Variants in PTPRZ1 observed in about 807,000 individuals in gnomAD.
The protein encoded by PTPRZ1 is protein tyrosine phosphatase receptor type Z1.
A neutral mutation model predicts 214.1 loss-of-function variants in PTPRZ1; 82 were observed. That is an observed-to-expected ratio of 0.38 (90% CI 0.32 to 0.46). PTPRZ1 has a LOEUF of 0.46. PTPRZ1 is among the 20% of genes least tolerant of loss of function. PTPRZ1 has a pLI of 1.00. For missense variants in PTPRZ1, 2,603 were observed against 2,748.7 expected, an observed-to-expected ratio of 0.95 and a Z score of 1.19; for synonymous variants, 945 against 987.9, an observed-to-expected ratio of 0.96 and a Z score of 0.81.
At chr7:121,943,340 G>A (rs1264406488) in intron 2 of PTPRZ1, among the ~76,000 whole-genome samples, 1 of 151,994 alleles carries the variant, frequency 6.6e-6, no homozygotes, top group Non-Finnish European at 1.5e-5. Flanking sequence ...ATGTATTTAT[G>A]TATTTATTTA....
chr7:121,996,294 C>T, intron 8 of PTPRZ1, 88 bp from the exon 9 acceptor site: 1 of 960,910 alleles, frequency 1.0e-6, no homozygotes, highest in Non-Finnish European at 1.5e-6. Context: ...TGAAATAAAA[C>T]ACAATAAAAT....
chr7:121,878,363 G>A (rs568197040), intron 1 of PTPRZ1, among the ~76,000 whole-genome samples: 3 of 152,212 alleles, frequency 2.0e-5, no homozygotes, highest in Non-Finnish European at 2.9e-5. Context: ...AACAAAAAAC[G>A]CTGGTAAAAT....
intron 6 of PTPRZ1, among the ~76,000 whole-genome samples, chr7:121,979,241 G>T (rs1797531178): frequency 6.6e-6 from 1 of 151,748 alleles, no homozygotes; most frequent in Non-Finnish European, 1.5e-5. Context: ...CCTACTCTAT[G>T]TTAGGCATTA....
chr7:121,900,314 T>C (rs1794920334), intron 1 of PTPRZ1, among the ~76,000 whole-genome samples: 1 of 152,172 alleles, frequency 6.6e-6, no homozygotes, highest in African/African-American at 2.4e-5. Context: ...TACAACAGAA[T>C]ACAAACTTTG....
rs545745881 is a variant in PTPRZ1 at position 122,012,093 on chromosome 7, T to G, written c.3047T>G (p.Leu1016Arg). 6.2e-7 allele frequency: 1 copy of G among 1,614,016 alleles called. No individual in the cohort carries two copies. The highest frequency in any genetic ancestry group is 1.7e-5 in the Admixed American group (1 of 60,022). ...CCTGACACAGATGGGCTGACAGCCCTTAACATTTCTTCACCTGTTTCTGTA... is the reference window on the plus strand; with the variant it reads ...CCTGACACAGATGGGCTGACAGCCCGTAACATTTCTTCACCTGTTTCTGTA... ...LLPDTDGLTA[L>R]NISSPVSVAE... Residue 1016 changes from leucine to arginine, a missense_variant, in exon 12 of 30, where the codon CTT becomes CGT. Around this residue, in one of 6 missense-constraint regions of PTPRZ1, gnomAD observed 1,913 missense variants for 1,914.3 expected, o/e 1.00. Coordinates refer to ENST00000393386, the MANE Select transcript of PTPRZ1 (RefSeq NM_002851.3).
intron 11 of PTPRZ1, among the ~76,000 whole-genome samples, chr7:122,009,457 T>TAAAAAAAAAAAAAAAA (rs56259188): frequency 7.0e-6 from 1 of 142,018 alleles, no homozygotes. Context: ...CCACATGAAC[T>TAAAAAAAAAAAAAAAA]AAAAAAAAAA....
intron 10 of PTPRZ1, among the ~76,000 whole-genome samples, chr7:121,999,605 G>A (rs565357247): frequency 3.9e-4 from 60 of 151,934 alleles, no homozygotes; most frequent in African/African-American, 6.0e-4. Context: ...CTCTAATTTC[G>A]TACCTAAAAC....
At chr7:121,956,345 T>C (rs968504067) in intron 2 of PTPRZ1, among the ~76,000 whole-genome samples, 10 of 152,170 alleles carry the variant, frequency 6.6e-5, no homozygotes, top group African/African-American at 2.4e-4. Context: ...AGACAATTAT[T>C]AACAGTATAC....
chr7:121,976,927 T>C, intron 6 of PTPRZ1, 76 bp downstream of exon 6: 4 of 1,256,518 alleles, frequency 3.2e-6, no homozygotes, highest in South Asian at 3.0e-5. Context: ...ACGACAAAAG[T>C]CACTTGTTCC....
intron 6 of PTPRZ1, among the ~76,000 whole-genome samples, chr7:121,979,521 A>T (rs930883077): frequency 7.2e-5 from 11 of 152,112 alleles, no homozygotes; most frequent in Admixed American, 6.5e-4. Context: ...CATGCTAAAT[A>T]TCATTGTCCT....
At position 121,873,198 on chromosome 7, in the gene PTPRZ1, C is replaced by A. The variant is rs1386299005; in HGVS notation, c.-302C>A. ...CCGCAGCCGGCGAAAGAGGCAAAGT[C>A]CCGCACGCCGGAGGACATGCGCCTC... On this transcript the variant is annotated 5_prime_UTR_variant, in exon 1 of 30. Transcript: ENST00000393386. 1.2e-5 allele frequency: 5 copies of A among 421,956 alleles called. No homozygotes were observed. In the East Asian group the frequency reaches 1.7e-4, roughly 15 times the overall value. 26.1% of individuals were successfully genotyped at this position (421,956 alleles called of 1,614,324 possible).
At chr7:122,019,759 C>G (rs993650529) in intron 13 of PTPRZ1, among the ~76,000 whole-genome samples, 1 of 152,232 alleles carries the variant, frequency 6.6e-6, no homozygotes, top group African/African-American at 2.4e-5. Context: ...GAGACTACAG[C>G]TAATGACTAT....
chr7:122,028,894 A>G (rs1456588749), intron 14 of PTPRZ1, among the ~76,000 whole-genome samples: 5 of 152,086 alleles, frequency 3.3e-5, no homozygotes, highest in South Asian at 2.1e-4. Context: ...CAGGTGTATT[A>G]TGTTAAAAAC....
chr7:122,028,723 G>A (rs1197310344), intron 14 of PTPRZ1, 80 bp downstream of exon 14: 1 of 1,100,810 alleles, frequency 9.1e-7, no homozygotes, highest in East Asian at 2.4e-5. Flanking sequence ...GTTTTTATCG[G>A]GACACTATGC....
chr7:121,979,267 G>GGA (rs150379120), intron 6 of PTPRZ1, among the ~76,000 whole-genome samples: 36 of 151,548 alleles, frequency 2.4e-4, no homozygotes, highest in African/African-American at 8.2e-4. Context: ...TCCATGGAGT[G>GGA]GAGAGAGAGA....
intron 13 of PTPRZ1, among the ~76,000 whole-genome samples, chr7:122,024,557 G>A (rs1381406351): frequency 2.0e-5 from 3 of 151,714 alleles, no homozygotes; most frequent in Non-Finnish European, 4.4e-5. Context: ...TAACCAATAT[G>A]CAAATGACCT....
chr7:121,910,495 T>C (rs1299159614), intron 1 of PTPRZ1, among the ~76,000 whole-genome samples: 1 of 152,102 alleles, frequency 6.6e-6, no homozygotes, highest in Non-Finnish European at 1.5e-5. Context: ...CCTATATATA[T>C]ATATGAAACA....
chr7:122,046,041 G>A (rs1414078095), intron 23 of PTPRZ1, among the ~76,000 whole-genome samples: 2 of 152,152 alleles, frequency 1.3e-5, no homozygotes, highest in Non-Finnish European at 2.9e-5. Context: ...AGGCTTTTGT[G>A]TTATTAGGGC....
chr7:122,044,324 A>G, intron 22 of PTPRZ1, 98 bp from the exon 23 acceptor site: 1 of 1,428,128 alleles, frequency 7.0e-7, no homozygotes, highest in Non-Finnish European at 9.6e-7. Flanking sequence ...CCATTCTGTA[A>G]AACTCTCCTT....
Sources: gnomAD v4.1 joint callset for allele counts (sites outside exome capture counted in the v4.1 genomes callset) on GRCh38, gnomAD v4.1.1 for gene constraint, gnomAD v4.1.1 regional missense constraint, MANE v1.5 for transcripts, NCBI Gene and HGNC (gene_info 2026-07-23, HGNC 2026-07-21) for gene names.